BOD1L1: variants seen among roughly 807,000 people sequenced by gnomAD.
BOD1L1 encodes biorientation of chromosomes in cell division 1 like 1.
BOD1L1 carries 86 observed loss-of-function variants against 240.7 expected under a neutral mutation model. The ratio of observed to expected loss-of-function variants is 0.36; its 90% confidence interval spans 0.30 to 0.43. BOD1L1 has a LOEUF of 0.43. Ranked by LOEUF, BOD1L1 falls within the 20% of genes least tolerant of loss-of-function variation. The pLI, the probability that BOD1L1 is intolerant of heterozygous loss-of-function variation, is 1.00. For synonymous variants in BOD1L1, 1,268 were observed against 1,272.3 expected, an observed-to-expected ratio of 1.00 and a Z score of 0.07; for missense variants, 3,554 against 3,643.5, an observed-to-expected ratio of 0.98 and a Z score of 0.63.
In BOD1L1 at chr4:13,627,384, G is replaced by A. The variant is rs1406306977; in HGVS notation, c.204C>T (p.Asp68=). The A allele has an allele frequency of 2.2e-6, 3 of 1,376,160 alleles. No individual in the cohort carries two copies. Among genetic ancestry groups the A allele is most frequent in the East Asian group, 2.8e-5 (1 of 35,752 alleles). 85.2% of individuals were successfully genotyped at this position (1,376,160 alleles called of 1,614,324 possible). A position where few individuals can be genotyped will look rare whatever the true frequency, so the allele number is the denominator to read the frequency against. The change falls in exon 1 of 26, where the codon GAC becomes GAT. Residue 68 remains aspartate (D), a synonymous_variant. Coordinates refer to ENST00000040738, the MANE Select transcript of BOD1L1 (RefSeq NM_148894.3). ...CGGCCAGGCAGTCTCTGCGGAACTG[G>A]TCGAAGAGCCCCTGGCTCTTGAGGT... ...VNHLKSQGLF[D]QFRRDCLADV...
Position 13,577,592 on chromosome 4 carries a change from C to T in BOD1L1, c.8789G>A (p.Ser2930Asn). The T allele has an allele frequency of 1.9e-6, 3 of 1,570,926 alleles. No individual in the cohort carries two copies. Among genetic ancestry groups the T allele is most frequent in the Middle Eastern group, 1.7e-4 (1 of 5,824 alleles). ...NKETANLQER[S>N]ISNDDGEEKI... is the part of the protein sequence containing the mutation. ...AAATTTAACACTTACATTGCTTATA[C>T]TTCTTTCTTGTAGGTTAGCTGTTTC... Residue 2930 changes from serine to asparagine, a missense_variant, in exon 23 of 26, where the codon AGT becomes AAT. By Grantham distance (46) the Ser-to-Asn change is conservative. This residue lies in a region of BOD1L1 where 3,393 missense variants were observed against 3,427.1 expected (regional missense o/e 0.99). Coordinates refer to ENST00000040738, the MANE Select transcript of BOD1L1 (RefSeq NM_148894.3).
chr4:13,590,437 A>C lies in BOD1L1; in HGVS notation c.8158T>G (p.Ser2720Ala), dbSNP rs749684986. Residue 2720 changes from serine to alanine, a missense_variant, in exon 14 of 26, where the codon TCA (serine) becomes GCA (alanine). Around this residue, in one of 2 missense-constraint regions of BOD1L1, gnomAD observed 3,393 missense variants for 3,427.1 expected, o/e 0.99. Coordinates refer to ENST00000040738, the MANE Select transcript of BOD1L1 (RefSeq NM_148894.3). ...ATTTCTTCATTTGTTCTGAAGCCTG[A>C]ATTTTCAACCTAAATATACAATATA... The part of the protein sequence containing the change: ...LVNESLNVEN[S>A]GFRTNEEIHS... 17 of 1,510,628 alleles carry C rather than the reference A, an allele frequency of 1.1e-5. No individual in the cohort carries two copies. The highest frequency in any genetic ancestry group is 1.2e-5 in the Non-Finnish European group (13 of 1,102,856). The allele number at this position is 1,510,628 out of a possible 1,614,324, so 93.6% of individuals were successfully genotyped here. A position where few individuals can be genotyped will look rare whatever the true frequency, so the allele number is the denominator to read the frequency against.
Position 13,605,719 on chromosome 4 carries a change from T to C in BOD1L1, c.1816-635A>G, listed in dbSNP as rs184285492. 8.5e-5 allele frequency among the ~76,000 whole-genome samples: 13 copies of C among 152,308 alleles called. No homozygotes were observed. The East Asian group carries it at 2.3e-3, about 27-fold the overall frequency. ...AAATTGAAATATACTGAAATATAGA[T>C]TTCCTATATTTTAATTTAAAAAGCT... On this transcript the variant is annotated intron_variant, in intron 9 of 25. Transcript: ENST00000040738.
chr4:13,597,302 G>A, intron 10 of BOD1L1, 134 bp from the exon 11 acceptor site: 1 of 660,086 alleles, frequency 1.5e-6, no homozygotes, highest in South Asian at 1.8e-5. Flanking sequence ...GCTGTCAGTA[G>A]AAAATGATCA....
At chr4:13,596,320 C>T (rs1560193382) in intron 11 of BOD1L1, among the ~76,000 whole-genome samples, 1 of 152,074 alleles carries the variant, frequency 6.6e-6, no homozygotes, top group Non-Finnish European at 1.5e-5. Context: ...GAGTCTAGAA[C>T]ACAACATTCT....
chr4:13,588,876 G>C, intron 14 of BOD1L1, 84 bp from the exon 15 acceptor site: 1 of 940,396 alleles, frequency 1.1e-6, no homozygotes, highest in East Asian at 2.7e-5. Flanking sequence ...TAGGGGGCTG[G>C]GAGAAAACTG....
rs1406872259 is a variant in BOD1L1, at chr4:13,568,830, A to T, written c.*1181T>A. On this transcript the variant is annotated 3_prime_UTR_variant, in exon 26 of 26. Transcript: ENST00000040738. ...TCCACCTTACATTAAGAGTCAAAAT[A>T]AAAAAAAAAACCCATACACACTGAA... The T allele has an allele frequency of 7.0e-6, 1 of 143,568 alleles. No individual in the cohort carries two copies. Among genetic ancestry groups the T allele is most frequent in the African/African-American group, 2.6e-5 (1 of 38,392 alleles). 8.9% of individuals were successfully genotyped at this position (143,568 alleles called of 1,614,324 possible).
chr4:13,603,939 A>C lies in BOD1L1; in HGVS notation c.2961T>G (p.Asp987Glu). Residue 987 changes from aspartate to glutamate, a missense_variant, in exon 10 of 26, where the codon GAT becomes GAG. Physicochemically the swap from Asp to Glu is conservative, Grantham distance 45. Around this residue, in one of 2 missense-constraint regions of BOD1L1, gnomAD observed 3,393 missense variants for 3,427.1 expected, o/e 0.99. Transcript: ENST00000040738. ...ATGGTAACTTGGCTCTATGACTAGA[A>C]TCCTTCTGTGTACTATGTGCTGAAG... ...ASSSAHSTQK[D>E]SSHRAKLPLA... 6.2e-7 allele frequency: 1 copy of C among 1,613,922 alleles called. No homozygotes were observed. Among genetic ancestry groups the C allele is most frequent in the Non-Finnish European group, 8.5e-7 (1 of 1,179,872 alleles).
At position 13,608,542 on chromosome 4, in the gene BOD1L1, T is replaced by C; in HGVS notation, c.1730A>G (p.Lys577Arg). The C allele has an allele frequency of 6.5e-7, 1 of 1,538,506 alleles. No homozygotes were observed. Among genetic ancestry groups the C allele is most frequent in the South Asian group, 1.3e-5 (1 of 79,066 alleles). ...ATAAAATATGTACCTTGAATCTTTT[T>C]TTCTCTTTTTGCTTAAGGCTACTTT... ...EKKVALSKKR[K>R]KDSRNVEENS... Residue 577 changes from lysine (K) to arginine (R), a missense_variant, in exon 8 of 26, where the codon AAA becomes AGA. Lys to Arg is a conservative substitution (Grantham distance 26, BLOSUM62 2). Around this residue, in one of 2 missense-constraint regions of BOD1L1, gnomAD observed 3,393 missense variants for 3,427.1 expected, o/e 0.99. Transcript: ENST00000040738.
At position 13,599,979 on chromosome 4, in the gene BOD1L1, A is replaced by C; in HGVS notation, c.6921T>G (p.Gly2307=). Residue 2307 remains glycine (G), a synonymous_variant, in exon 10 of 26, where the codon GGT becomes GGG. Transcript: ENST00000040738. ...TSEGCEAVMI[G]AVLQDEDRLT... is the part of the protein sequence containing the mutation. ...GCCGATCTTCATCCTGGAGGACAGC[A>C]CCAATCATGACTGCTTCACACCCTT... 1 of 1,611,138 alleles carries C rather than the reference A, an allele frequency of 6.2e-7. No homozygotes were observed. The highest frequency in any genetic ancestry group is 8.5e-7 in the Non-Finnish European group (1 of 1,178,524).
At position 13,590,446 on chromosome 4, in the gene BOD1L1, C is replaced by T. The variant is rs1314739674; in HGVS notation, c.8149G>A (p.Val2717Ile). ...EPLLVNESLNVENSGFRTNEE... is the reference protein window; with the variant it reads ...EPLLVNESLNIENSGFRTNEE... Reference sequence around the variant, plus strand: ...TTTGTTCTGAAGCCTGAATTTTCAACCTAAATATACAATATAAAAGATATT... The same window carrying T: ...TTTGTTCTGAAGCCTGAATTTTCAATCTAAATATACAATATAAAAGATATT... Residue 2717 changes from valine (V) to isoleucine (I), a missense_variant and splice_region_variant, in exon 14 of 26, where the codon GTT becomes ATT. Coordinates refer to ENST00000040738, the MANE Select transcript of BOD1L1 (RefSeq NM_148894.3). 5 of 1,463,830 alleles carry T rather than the reference C, an allele frequency of 3.4e-6. No homozygotes were observed. The highest frequency in any genetic ancestry group is 1.4e-5 in the African/African-American group (1 of 70,694). The allele number at this position is 1,463,830 out of a possible 1,614,324, so 90.7% of individuals were successfully genotyped here. A position where few individuals can be genotyped will look rare whatever the true frequency, so the allele number is the denominator to read the frequency against.
chr4:13,578,574 G>T (rs903282989), intron 22 of BOD1L1, among the ~76,000 whole-genome samples: 1 of 152,106 alleles, frequency 6.6e-6, no homozygotes, highest in Non-Finnish European at 1.5e-5. Flanking sequence ...ATGAGACAGG[G>T]TCTTGCTCTG....
chr4:13,575,090 T>C (rs765563114), intron 25 of BOD1L1, among the ~76,000 whole-genome samples: 6 of 151,968 alleles, frequency 3.9e-5, no homozygotes, highest in Non-Finnish European at 8.8e-5. Context: ...CAGCTAATTT[T>C]TTATATTTTT....
chr4:13,608,584 C>T lies in BOD1L1; in HGVS notation c.1688G>A (p.Arg563Gln), dbSNP rs547121017. 1.3e-5 allele frequency: 20 copies of T among 1,544,296 alleles called. No individual in the cohort carries two copies. The highest frequency in any genetic ancestry group is 1.1e-4 in the Admixed American group (5 of 47,376). The change falls in exon 8 of 26, where the codon CGG (arginine) becomes CAG (glutamine). Residue 563 changes from arginine to glutamine, a missense_variant. Arg to Gln is a conservative substitution (Grantham distance 43, BLOSUM62 1). This residue lies in a region of BOD1L1 where 3,393 missense variants were observed against 3,427.1 expected (regional missense o/e 0.99). Coordinates refer to ENST00000040738, the MANE Select transcript of BOD1L1 (RefSeq NM_148894.3). ...GGCTACTTTTTTTTCTAAAACTTTC[C>T]GTTCTTTAAGGACTTCTTTAATTCT... Reference protein sequence around the residue: ...AARIKEVLKERKVLEKKVALS... With the variant: ...AARIKEVLKEQKVLEKKVALS...
At chr4:13,623,552 C>G (rs1284367631) in intron 1 of BOD1L1, 1 of 152,246 alleles carries the variant, frequency 6.6e-6, no homozygotes, top group Non-Finnish European at 1.5e-5. Context: ...GTAGTTGGAG[C>G]TTAGGGTTGC....
chr4:13,590,423 T>C lies in BOD1L1; in HGVS notation c.8172A>G (p.Thr2724=). 6.6e-7 allele frequency: 1 copy of C among 1,525,646 alleles called. No individual in the cohort carries two copies. The highest frequency in any genetic ancestry group is 9.0e-7 in the Non-Finnish European group (1 of 1,114,882). 94.5% of individuals were successfully genotyped at this position (1,525,646 alleles called of 1,614,324 possible). The change falls in exon 14 of 26, where the codon ACA becomes ACG. Residue 2724 remains threonine, a synonymous_variant. Transcript: ENST00000040738. ...SLNVENSGFR[T]NEEIHSESYN... ...AAGATTCGCTATGAATTTCTTCATT[T>C]GTTCTGAAGCCTGAATTTTCAACCT...
chr4:13,584,612 G>A (rs17745136), intron 17 of BOD1L1, among the ~76,000 whole-genome samples: 18,290 of 152,114 alleles, frequency 0.12, 1,434 homozygotes, highest in Middle Eastern at 0.22. Context: ...CAAACCATTG[G>A]ACGAACTGCA....
In BOD1L1 at chr4:13,568,916, T is replaced by G. The variant is rs560582166; in HGVS notation, c.*1095A>C. On this transcript the variant is annotated 3_prime_UTR_variant, in exon 26 of 26. Coordinates refer to ENST00000040738, the MANE Select transcript of BOD1L1 (RefSeq NM_148894.3). ...AACATTTTAAAATAATCTCAATTATTTGGCAACTCATCACATCATTGCAAG... is the reference window on the plus strand; with the variant it reads ...AACATTTTAAAATAATCTCAATTATGTGGCAACTCATCACATCATTGCAAG... The G allele has an allele frequency of 1.3e-5, 2 of 152,116 alleles. No individual in the cohort carries two copies. Among genetic ancestry groups the G allele is most frequent in the Admixed American group, 6.5e-5 (1 of 15,268 alleles). 9.4% of individuals were successfully genotyped at this position (152,116 alleles called of 1,614,324 possible).
Position 13,589,584 on chromosome 4 carries a change from A to G in BOD1L1, c.8210-792T>C, listed in dbSNP as rs139622155. Among the ~76,000 whole-genome samples, 1,073 of 152,306 alleles carry G rather than the reference A, an allele frequency of 7.0e-3. 15 individuals carry two copies. Among genetic ancestry groups the G allele is most frequent in the African/African-American group, 0.023 (969 of 41,568 alleles). ...CTAAAGCAGGCAACATAGGTTACAT[A>G]TTGTTTATGGACCTATATATAATTA... On this transcript the variant is annotated intron_variant, in intron 14 of 25. Transcript: ENST00000040738.
Sources: allele counts gnomAD v4.1 joint callset (sites outside exome capture counted in the v4.1 genomes callset), GRCh38; gene constraint gnomAD v4.1.1; regional missense constraint gnomAD v4.1.1; transcripts MANE v1.5; gene names NCBI Gene and HGNC (gene_info 2026-07-23, HGNC 2026-07-21).